Variants in USP50 observed in about 807,000 individuals in gnomAD.
USP50 encodes the protein ubiquitin carboxyl-terminal hydrolase 50.
Under a neutral mutation model 39.2 loss-of-function variants are expected in USP50, and 37 were observed. The ratio of observed to expected loss-of-function variants is 0.94; its 90% CI spans 0.73 to 1.24. The LOEUF (loss-of-function observed/expected upper bound fraction) is 1.24, where lower values mean the gene tolerates loss of function less well. Among genes scored for constraint, USP50 ranks in the 50% most tolerant of loss-of-function variants. USP50 has a pLI of 0.00. For missense variants in USP50, 374 were observed against 398.2 expected (o/e 0.94, Z 0.52); for synonymous variants, 139 against 144.5 (o/e 0.96, Z 0.27).
intron 4 of USP50, among the ~76,000 whole-genome samples, chr15:50,539,563 G>A (rs889487608): frequency 2.6e-5 from 4 of 151,642 alleles, no homozygotes; most frequent in South Asian, 2.1e-4. Context: ...CTACAGGCGC[G>A]TGCCACCACA....
intron 6 of USP50, chr15:50,508,159 C>A (rs1021346688): frequency 3.4e-5 from 5 of 148,140 alleles, no homozygotes; most frequent in African/African-American, 5.0e-5. Context: ...CAAAATGATA[C>A]CCCCACAAAA....
chr15:50,532,161 G>T (rs549530024), intron 5 of USP50: 35 of 456,154 alleles, frequency 7.7e-5, no homozygotes, highest in Non-Finnish European at 1.4e-4. Context: ...CACACTTTGT[G>T]AATTTTCCTT....
At chr15:50,545,631 AATAT>A (rs935589823) in intron 1 of USP50, among the ~76,000 whole-genome samples, 3 of 150,196 alleles carry the variant, frequency 2.0e-5, no homozygotes, top group Non-Finnish European at 4.4e-5. Flanking sequence ...TAAGAGCATG[AATAT>A]ATATATCTTA....
At chr15:50,533,637 G>A (rs2052958607) in intron 5 of USP50, among the ~76,000 whole-genome samples, 1 of 152,188 alleles carries the variant, frequency 6.6e-6, no homozygotes, top group Non-Finnish European at 1.5e-5. Context: ...CAAACGTGAA[G>A]GGAAATAAAT....
chr15:50,517,098 C>T lies in USP50; in HGVS notation c.936+12699G>A, dbSNP rs533379202. Among the ~76,000 whole-genome samples, 6 of 152,286 alleles carry T rather than the reference C, an allele frequency of 3.9e-5. No homozygotes were observed. The East Asian group carries it at 1.2e-3, about 29-fold the overall frequency. On this transcript the variant is annotated intron_variant, in intron 6 of 6. Coordinates refer to ENST00000532404, the MANE Select transcript of USP50 (RefSeq NM_203494.5). ...TACAGAACATTCCATCCAATAGCAA[C>T]AGAATAAACATTATTCTCAAGCACA...
At chr15:50,537,956 A>T (rs574335577) in intron 5 of USP50, among the ~76,000 whole-genome samples, 2 of 140,174 alleles carry the variant, frequency 1.4e-5, no homozygotes, top group Admixed American at 7.2e-5. Flanking sequence ...AAGGGAAGGG[A>T]AGGGTCTTAA....
At chr15:50,499,270 C>G (rs1001445631), downstream of USP50, 3 of 461,244 alleles carry the variant, frequency 6.5e-6, no homozygotes, top group Admixed American at 1.3e-4. Context: ...ACAAGTATTG[C>G]AGTAATCATC....
Position 50,542,925 on chromosome 15 carries a change from A to G in USP50, c.444+673T>C, listed in dbSNP as rs551083599. On this transcript the variant is annotated intron_variant, in intron 3 of 6. Transcript: ENST00000532404. ...GGTGCAGTGAGGTAATGTTAGCAGA[A>G]GGATGTTGCATAAAGTCAAGGACAC... Among the ~76,000 whole-genome samples the G allele has an allele frequency of 5.9e-5, 9 of 152,016 alleles. No homozygotes were observed. The South Asian group carries it at 1.9e-3, about 31-fold the overall frequency.
intron 5 of USP50, among the ~76,000 whole-genome samples, chr15:50,536,427 G>A (rs1168918746): frequency 6.6e-6 from 1 of 152,150 alleles, no homozygotes; most frequent in Non-Finnish European, 1.5e-5. Flanking sequence ...GATCACCTGA[G>A]GTCAGGAGTT....
rs1458463334 is a variant in USP50 at position 50,525,634 on chromosome 15, A to G, written c.936+4163T>C. On this transcript the variant is annotated intron_variant, in intron 6 of 6. Transcript: ENST00000532404. The stretch of plus-strand genomic sequence containing the variant: ...TATATGTATATATGTATATGTATAT[A>G]TGTATATGTGTATATGTATATGTAT... 4.4e-3 allele frequency among the ~76,000 whole-genome samples: 464 copies of G among 105,356 alleles called. 4 individuals carry two copies. The highest frequency in any genetic ancestry group is 0.017 in the African/African-American group (410 of 24,520). 69.1% of individuals were successfully genotyped at this position (105,356 alleles called of 152,430 possible).
chr15:50,519,918 A>C (rs1394854862), intron 6 of USP50, among the ~76,000 whole-genome samples: 4 of 152,158 alleles, frequency 2.6e-5, no homozygotes, highest in African/African-American at 7.2e-5. Context: ...ATGATCCAGC[A>C]ATCCACTACT....
intron 4 of USP50, 135 bp downstream of exon 4, chr15:50,540,914 G>C: frequency 1.4e-6 from 1 of 711,632 alleles, no homozygotes; most frequent in Non-Finnish European, 2.3e-6. Flanking sequence ...ATGAGCCACC[G>C]CACTCAGTCT....
chr15:50,537,518 TAA>T (rs546956781), intron 5 of USP50, among the ~76,000 whole-genome samples: 32 of 135,516 alleles, frequency 2.4e-4, no homozygotes, highest in Admixed American at 3.0e-4. Flanking sequence ...AGCCATGGAC[TAA>T]AAAAAAAAAA....
chr15:50,538,819 T>C lies in USP50; in HGVS notation c.693A>G (p.Ala231=). The change falls in exon 5 of 7, where the codon GCA becomes GCG. Residue 231 remains alanine (A), a synonymous_variant. Coordinates refer to ENST00000532404, the MANE Select transcript of USP50 (RefSeq NM_203494.5). ...DCLQCFFQQD[A]LTWNNEIHCS... ...AGTGAATTTCGTTGTTCCAGGTCAG[T>C]GCGTCTTGTTGAAAAAAACATTGGA... is the stretch of plus-strand genomic sequence containing the variant. The C allele has an allele frequency of 6.2e-7, 1 of 1,611,324 alleles. No homozygotes were observed. Among genetic ancestry groups the C allele is most frequent in the South Asian group, 1.1e-5 (1 of 90,266 alleles).
At chr15:50,520,133 C>T (rs564152398) in intron 6 of USP50, among the ~76,000 whole-genome samples, 1 of 152,088 alleles carries the variant, frequency 6.6e-6, no homozygotes, top group African/African-American at 2.4e-5. Context: ...TAGTGAGATT[C>T]TGTCTCTACA....
downstream of USP50, chr15:50,493,786 A>G (rs1372898874): frequency 5.6e-6 from 3 of 538,552 alleles, no homozygotes; most frequent in Admixed American, 8.1e-5. Context: ...TAAAGGACAG[A>G]CAGGATGAGA....
intron 6 of USP50, among the ~76,000 whole-genome samples, chr15:50,525,586 G>GTATATGTATATATGTATATGTA (rs1566907588): frequency 9.5e-5 from 12 of 126,096 alleles, no homozygotes; most frequent in African/African-American, 2.6e-4. Context: ...ATGTATATAT[G>GTATATGTATATATGTATATGTA]TATATGTATA....
At chr15:50,518,313 T>C (rs949047216) in intron 6 of USP50, among the ~76,000 whole-genome samples, 2 of 151,742 alleles carry the variant, frequency 1.3e-5, no homozygotes, top group Admixed American at 6.6e-5. Flanking sequence ...TTCCGTCTCC[T>C]GGGTTCACAC....
intron 5 of USP50, among the ~76,000 whole-genome samples, chr15:50,537,799 G>A (rs1268541556): frequency 1.4e-5 from 2 of 145,886 alleles, no homozygotes; most frequent in South Asian, 4.5e-4. Context: ...AGTGGAGGCT[G>A]CAAGAACCAA....
Sources: allele counts gnomAD v4.1 joint callset (sites outside exome capture counted in the v4.1 genomes callset), GRCh38; gene constraint gnomAD v4.1.1; transcripts MANE v1.5; gene names NCBI Gene and HGNC (gene_info 2026-07-23, HGNC 2026-07-21).